PIK3C2G: variants seen among roughly 807,000 people sequenced by gnomAD.
PIK3C2G encodes phosphatidylinositol 3-kinase C2 domain-containing subunit gamma.
Under a neutral mutation model 181.1 loss-of-function variants are expected in PIK3C2G, and 168 were observed. The observed-to-expected ratio is 0.93, with a 90% CI of 0.82 to 1.05. The LOEUF is 1.05. PIK3C2G is among the 50% of genes least tolerant of loss of function. The pLI is 0.00. For synonymous variants in PIK3C2G, 573 were observed against 592.2 expected (o/e 0.97, Z 0.47); for missense variants, 1,869 against 1,732.8 (o/e 1.08, Z -1.40).
At chr12:18,457,511 C>T (rs1438228983) in intron 18 of PIK3C2G, among the ~76,000 whole-genome samples, 1 of 152,144 alleles carries the variant, frequency 6.6e-6, no homozygotes, top group Non-Finnish European at 1.5e-5. Context: ...CTAACCACAT[C>T]ATGATTTTGG....
Position 18,607,074 on chromosome 12 carries a change from A to G in PIK3C2G, c.4088-2461A>G, listed in dbSNP as rs1592702599. The stretch of plus-strand genomic sequence containing the variant: ...TAATCCCCTAAACAAACTGAGACAT[A>G]TAAAATAATTACAATGTAACATTTC... On this transcript the variant is annotated intron_variant, in intron 30 of 32. Transcript: ENST00000538779. The G allele has an allele frequency of 1.4e-5, 6 of 421,866 alleles. No individual in the cohort carries two copies. In the East Asian group the frequency reaches 3.1e-4, roughly 22 times the overall value. 26.1% of individuals were successfully genotyped at this position (421,866 alleles called of 1,614,324 possible).
chr12:18,326,617 C>T (rs1951357092), intron 8 of PIK3C2G, among the ~76,000 whole-genome samples: 1 of 152,028 alleles, frequency 6.6e-6, no homozygotes, highest in African/African-American at 2.4e-5. Context: ...ATTTTTTCTG[C>T]TCCAGCCTGG....
intron 5 of PIK3C2G, among the ~76,000 whole-genome samples, chr12:18,303,115 C>CTTTCT (rs1950253330): frequency 2.9e-4 from 40 of 136,722 alleles, no homozygotes; most frequent in African/African-American, 1.0e-3. Flanking sequence ...TCTTTCTTTC[C>CTTTCT]TTCTTTCTTT....
intron 18 of PIK3C2G, among the ~76,000 whole-genome samples, chr12:18,459,540 T>A (rs1947807484): frequency 1.3e-5 from 2 of 152,218 alleles, no homozygotes; most frequent in African/African-American, 2.4e-5. Context: ...CAACTTTATG[T>A]TATGTAGTTG....
chr12:18,568,275 A>C (rs1285520556), intron 29 of PIK3C2G, among the ~76,000 whole-genome samples: 1 of 152,096 alleles, frequency 6.6e-6, no homozygotes, highest in Non-Finnish European at 1.5e-5. Context: ...GGATCTCAGC[A>C]TTCTTGTGAG....
chr12:18,273,404 C>T (rs1036013677), intron 1 of PIK3C2G, among the ~76,000 whole-genome samples: 11 of 151,928 alleles, frequency 7.2e-5, no homozygotes, highest in African/African-American at 9.7e-5. Flanking sequence ...AGTCAGGTAG[C>T]GTGATGCCCC....
intron 2 of PIK3C2G, among the ~76,000 whole-genome samples, chr12:18,284,650 G>T (rs983564243): frequency 1.3e-5 from 2 of 152,050 alleles, no homozygotes; most frequent in African/African-American, 4.8e-5. Context: ...GCCTAGTGAT[G>T]ATCTCAGCAG....
At chr12:18,319,742 T>C (rs1329802779) in intron 6 of PIK3C2G, among the ~76,000 whole-genome samples, 1 of 152,184 alleles carries the variant, frequency 6.6e-6, no homozygotes. Flanking sequence ...TCTTACTTAT[T>C]TTTACTGTTT....
intron 2 of PIK3C2G, among the ~76,000 whole-genome samples, chr12:18,282,982 T>C (rs916947689): frequency 6.6e-6 from 1 of 152,102 alleles, no homozygotes; most frequent in African/African-American, 2.4e-5. Flanking sequence ...CCAGTTCCAG[T>C]TTCATCAAAA....
chr12:18,267,269 T>C (rs1948542273), intron 1 of PIK3C2G, among the ~76,000 whole-genome samples: 1 of 152,140 alleles, frequency 6.6e-6, no homozygotes, highest in Non-Finnish European at 1.5e-5. Context: ...CTCCATTTTA[T>C]TGGCATCTCT....
the PIK3C2G span, among the ~76,000 whole-genome samples, chr12:18,682,887 TC>T: frequency 2.6e-5 from 4 of 152,020 alleles, no homozygotes; most frequent in Non-Finnish European, 5.9e-5. Flanking sequence ...ATTTCACATT[TC>T]TTTTATACTG....
chr12:18,481,107 T>G (rs1592368765), intron 18 of PIK3C2G, among the ~76,000 whole-genome samples: 1 of 146,298 alleles, frequency 6.8e-6, no homozygotes, highest in Non-Finnish European at 1.5e-5. Context: ...TAATTTTTTT[T>G]GTATTTTTAG....
Position 18,542,193 on chromosome 12 carries a change from T to C in PIK3C2G, c.3480+3881T>C, listed in dbSNP as rs961661631. On this transcript the variant is annotated intron_variant, in intron 25 of 32. Transcript: ENST00000538779. ...CCTATCCTTAGAAAATGGATAGTTA[T>C]GGTGTGATAAAGAAGAAATCTGCCT... is the stretch of plus-strand genomic sequence containing the variant. 3.9e-5 allele frequency among the ~76,000 whole-genome samples: 6 copies of C among 151,926 alleles called. 1 individual carries two copies. The highest frequency in any genetic ancestry group is 3.9e-4 in the Admixed American group (6 of 15,212).
chr12:18,267,131 C>A (rs1291616877), intron 1 of PIK3C2G, among the ~76,000 whole-genome samples: 1 of 151,882 alleles, frequency 6.6e-6, no homozygotes, highest in Non-Finnish European at 1.5e-5. Context: ...TCCTCTTATT[C>A]TGTATTCATA....
At chr12:18,349,332 T>G (rs1939991249) in intron 11 of PIK3C2G, among the ~76,000 whole-genome samples, 1 of 152,078 alleles carries the variant, frequency 6.6e-6, no homozygotes, top group Non-Finnish European at 1.5e-5. Flanking sequence ...AATAACAAAG[T>G]GACAACTTTC....
At chr12:18,488,700 G>T in intron 19 of PIK3C2G, 71 bp downstream of exon 19, 1 of 964,718 alleles carries the variant, frequency 1.0e-6, no homozygotes, top group African/African-American at 1.7e-5. Context: ...TAATTTCATT[G>T]TTTGCAAAGC....
intron 1 of PIK3C2G, among the ~76,000 whole-genome samples, chr12:18,277,719 G>A (rs930702356): frequency 6.6e-6 from 1 of 151,856 alleles, no homozygotes; most frequent in African/African-American, 2.4e-5. Context: ...AAACATTTTT[G>A]TTCCTATTCT....
chr12:18,370,126 C>T (rs1215778604), intron 12 of PIK3C2G, among the ~76,000 whole-genome samples: 1 of 151,884 alleles, frequency 6.6e-6, no homozygotes, highest in East Asian at 1.9e-4. Context: ...GAGATGACTC[C>T]AGAAAAGAAT....
At chr12:18,255,364 C>T (rs1340281322) in intron 1 of PIK3C2G, among the ~76,000 whole-genome samples, 3 of 152,112 alleles carry the variant, frequency 2.0e-5, no homozygotes, top group Non-Finnish European at 4.4e-5. Flanking sequence ...GAATTTATGG[C>T]TACTGTAGGA....
Sources: gnomAD v4.1 joint callset for allele counts (sites outside exome capture counted in the v4.1 genomes callset) on GRCh38, gnomAD v4.1.1 for gene constraint, MANE v1.5 for transcripts, NCBI Gene and HGNC (gene_info 2026-07-23, HGNC 2026-07-21) for gene names.